The following RAD51B variants were observed in gnomAD, a reference collection of about 807,000 sequenced individuals.
RAD51B encodes RAD51 paralog B.
In RAD51B, 38 loss-of-function variants were observed where a neutral mutation model predicts 42.2. The ratio of observed to expected loss-of-function variants is 0.90; its 90% CI spans 0.70 to 1.18. The LOEUF (loss-of-function observed/expected upper bound fraction) is 1.18. RAD51B is among the 50% of genes most tolerant of loss of function. RAD51B has a pLI of 0.00. For synonymous variants in RAD51B, 154 were observed against 145.2 expected, an observed-to-expected ratio of 1.06 and a Z score of -0.43; for missense variants, 373 against 400.7, an observed-to-expected ratio of 0.93 and a Z score of 0.59.
intron 10 of RAD51B, among the ~76,000 whole-genome samples, chr14:68,577,326 AT>A (rs1193051288): frequency 3.9e-5 from 6 of 152,164 alleles, no homozygotes; most frequent in African/African-American, 1.2e-4. Context: ...GACCCTTCTC[AT>A]CCTGTGGCCT....
intron 9 of RAD51B, among the ~76,000 whole-genome samples, chr14:68,431,912 C>T (rs1442342874): frequency 6.6e-6 from 1 of 151,920 alleles, no homozygotes; most frequent in Non-Finnish European, 1.5e-5. Context: ...CCCTCTACAC[C>T]CTGCTTTAAA....
At chr14:68,256,390 G>T (rs2139521905) in intron 7 of RAD51B, among the ~76,000 whole-genome samples, 1 of 152,268 alleles carries the variant, frequency 6.6e-6, no homozygotes, top group East Asian at 1.9e-4. Context: ...AGACTTACTG[G>T]AAAGTCCATT....
At chr14:68,191,382 A>G (rs2079264275) in intron 7 of RAD51B, among the ~76,000 whole-genome samples, 1 of 152,222 alleles carries the variant, frequency 6.6e-6, no homozygotes, top group East Asian at 1.9e-4. Flanking sequence ...GGACAACCCA[A>G]TAAAAGGTAA....
At chr14:68,137,934 A>G (rs1317280864) in intron 7 of RAD51B, among the ~76,000 whole-genome samples, 2 of 152,154 alleles carry the variant, frequency 1.3e-5, no homozygotes, top group East Asian at 3.8e-4. Context: ...TGACATCACC[A>G]AGGGCCAATG....
intron 7 of RAD51B, among the ~76,000 whole-genome samples, chr14:67,996,479 CA>C (rs1309862054): frequency 1.3e-5 from 2 of 151,502 alleles, no homozygotes; most frequent in African/African-American, 4.8e-5. Context: ...GGTGAAATCT[CA>C]GCAAAACCTG....
At chr14:68,366,850 A>G (rs1330346761) in intron 8 of RAD51B, among the ~76,000 whole-genome samples, 1 of 152,214 alleles carries the variant, frequency 6.6e-6, no homozygotes, top group Non-Finnish European at 1.5e-5. Flanking sequence ...TGTTTGACTG[A>G]AACAAAAAGT....
intron 7 of RAD51B, among the ~76,000 whole-genome samples, chr14:67,965,704 C>T (rs1323277448): frequency 6.6e-6 from 1 of 152,128 alleles, no homozygotes; most frequent in Non-Finnish European, 1.5e-5. Flanking sequence ...CAAGCTTCCT[C>T]ATAATTCCCT....
intron 7 of RAD51B, among the ~76,000 whole-genome samples, chr14:67,989,994 C>CTTTTTTTTT (rs539586350): frequency 8.4e-6 from 1 of 118,386 alleles, no homozygotes; most frequent in Non-Finnish European, 1.7e-5. Flanking sequence ...CTTTTAACAT[C>CTTTTTTTTT]TTTTTTTTTT....
chr14:68,359,071 G>C (rs1438064699), intron 8 of RAD51B, among the ~76,000 whole-genome samples: 2 of 152,024 alleles, frequency 1.3e-5, no homozygotes, highest in East Asian at 3.9e-4. Flanking sequence ...CACCTGCTTG[G>C]AGGTGCCATA....
chr14:68,388,102 T>A (rs1216663699), intron 8 of RAD51B, among the ~76,000 whole-genome samples: 1 of 145,966 alleles, frequency 6.9e-6, no homozygotes, highest in African/African-American at 2.5e-5. Context: ...ATATTTTTTT[T>A]TTTTTTTAAT....
intron 8 of RAD51B, among the ~76,000 whole-genome samples, chr14:68,381,200 G>A (rs920787698): frequency 1.3e-5 from 2 of 152,224 alleles, no homozygotes; most frequent in African/African-American, 4.8e-5. Flanking sequence ...CACACAGCTA[G>A]TTAGCTAGTT....
At chr14:68,651,550 G>GT (rs1432048446) in intron 11 of RAD51B, among the ~76,000 whole-genome samples, 39 of 152,278 alleles carry the variant, frequency 2.6e-4, no homozygotes, top group African/African-American at 9.1e-4. Context: ...GATAACTGAG[G>GT]TTTTGCTATA....
chr14:67,940,453 A>T (rs903102196), intron 7 of RAD51B, among the ~76,000 whole-genome samples: 3 of 152,132 alleles, frequency 2.0e-5, no homozygotes, highest in African/African-American at 7.2e-5. Context: ...CCAGCTAGCC[A>T]AACTATCTCT....
chr14:68,256,175 T>A (rs1472717431), intron 7 of RAD51B, among the ~76,000 whole-genome samples: 1 of 152,162 alleles, frequency 6.6e-6, no homozygotes, highest in African/African-American at 2.4e-5. Flanking sequence ...CCTATTTGGG[T>A]GTTGAATCTG....
intron 9 of RAD51B, among the ~76,000 whole-genome samples, chr14:68,436,588 TG>T (rs1274300921): frequency 1.3e-5 from 2 of 152,210 alleles, no homozygotes; most frequent in African/African-American, 4.8e-5. Context: ...GGAATTGTGT[TG>T]AATCTGCAGG....
intron 8 of RAD51B, among the ~76,000 whole-genome samples, chr14:68,321,647 C>T (rs1045100084): frequency 2.6e-5 from 4 of 152,214 alleles, no homozygotes; most frequent in Admixed American, 2.0e-4. Context: ...TACTTAAACT[C>T]TGAGCTTCTG....
intron 7 of RAD51B, among the ~76,000 whole-genome samples, chr14:68,225,230 A>G (rs1331511612): frequency 6.6e-6 from 1 of 152,212 alleles, no homozygotes; most frequent in African/African-American, 2.4e-5. Context: ...ATTTGCACTA[A>G]TGGAGGAACA....
At chr14:68,410,691 G>C (rs1348348667) in intron 8 of RAD51B, among the ~76,000 whole-genome samples, 2 of 152,202 alleles carry the variant, frequency 1.3e-5, no homozygotes, top group African/African-American at 4.8e-5. Context: ...TTGCCTTCAA[G>C]GGGGAAGGAG....
chr14:68,261,073 C>G (rs1368931616), intron 7 of RAD51B, among the ~76,000 whole-genome samples: 1 of 152,198 alleles, frequency 6.6e-6, no homozygotes. Context: ...GGTCTCATAT[C>G]CTTCAAAGAC....
Sources: gnomAD v4.1 joint callset for allele counts (sites outside exome capture counted in the v4.1 genomes callset) on GRCh38, gnomAD v4.1.1 for gene constraint, MANE v1.5 for transcripts, NCBI Gene and HGNC (gene_info 2026-07-23, HGNC 2026-07-21) for gene names.